The following SETBP1 variants were observed in gnomAD, a reference collection of about 807,000 sequenced individuals.
The protein encoded by SETBP1 is SET-binding protein.
Under a neutral mutation model 101.0 loss-of-function variants are expected in SETBP1, and 9 were observed. The ratio of observed to expected loss-of-function variants is 0.09; its 90% CI spans 0.05 to 0.16. The LOEUF (loss-of-function observed/expected upper bound fraction) is 0.16, where lower values mean the gene tolerates loss of function less well. Among genes scored for constraint, SETBP1 ranks in the 10% least tolerant of loss-of-function variants. The pLI, the probability that SETBP1 is intolerant of heterozygous loss-of-function variation, is 1.00. For missense variants in SETBP1, 1,858 were observed against 2,033.8 expected (o/e 0.91, Z 1.66); for synonymous variants, 818 against 788.5 (o/e 1.04, Z -0.63).
At chr18:44,792,585 G>A (rs957396832) in intron 2 of SETBP1, among the ~76,000 whole-genome samples, 2 of 152,182 alleles carry the variant, frequency 1.3e-5, no homozygotes, top group South Asian at 2.1e-4. Flanking sequence ...TACCTGGACC[G>A]GATGCCCACG....
intron 3 of SETBP1, among the ~76,000 whole-genome samples, chr18:44,922,386 G>T (rs1031009177): frequency 3.3e-5 from 5 of 152,168 alleles, no homozygotes; most frequent in African/African-American, 1.2e-4. Context: ...CAAAACGGAT[G>T]GTCTTTCTAA....
At chr18:44,847,005 A>C (rs1257358060) in intron 2 of SETBP1, among the ~76,000 whole-genome samples, 2 of 152,180 alleles carry the variant, frequency 1.3e-5, no homozygotes, top group African/African-American at 4.8e-5. Context: ...CCGGTCACGC[A>C]AAGAAACGTA....
intron 3 of SETBP1, among the ~76,000 whole-genome samples, chr18:44,889,792 G>A (rs927616911): frequency 4.6e-5 from 7 of 152,228 alleles, no homozygotes; most frequent in Non-Finnish European, 8.8e-5. Flanking sequence ...CGTCTATGTG[G>A]GGAAGCCCCA....
chr18:44,971,394 A>T (rs536394670), intron 4 of SETBP1, among the ~76,000 whole-genome samples: 8 of 152,292 alleles, frequency 5.3e-5, no homozygotes, highest in Non-Finnish European at 1.0e-4. Flanking sequence ...TATACCCAGA[A>T]ATGGGATGGC....
At chr18:44,848,933 T>G (rs1356161938) in intron 2 of SETBP1, among the ~76,000 whole-genome samples, 1 of 152,256 alleles carries the variant, frequency 6.6e-6, no homozygotes, top group African/African-American at 2.4e-5. Flanking sequence ...ATGGCCCTGT[T>G]GTCAGTTTCC....
chr18:44,761,613 T>C (rs74575813), intron 2 of SETBP1, among the ~76,000 whole-genome samples: 1 of 152,324 alleles, frequency 6.6e-6, no homozygotes, highest in East Asian at 1.9e-4. Context: ...GAGAATGTCC[T>C]CTTGAGTAAG....
intron 4 of SETBP1, among the ~76,000 whole-genome samples, chr18:44,980,968 A>G (rs1024549727): frequency 5.3e-5 from 8 of 152,220 alleles, no homozygotes; most frequent in African/African-American, 1.9e-4. Flanking sequence ...AAAGAATTGC[A>G]TTAAATCAGT....
chr18:44,778,309 T>G (rs1056418153), intron 2 of SETBP1, among the ~76,000 whole-genome samples: 1 of 152,204 alleles, frequency 6.6e-6, no homozygotes, highest in African/African-American at 2.4e-5. Context: ...CTCAAAAACC[T>G]GGAGCTAGAG....
chr18:45,013,527 C>T (rs139477506), intron 4 of SETBP1, among the ~76,000 whole-genome samples: 1 of 152,124 alleles, frequency 6.6e-6, no homozygotes, highest in East Asian at 1.9e-4. Flanking sequence ...GCAACTTCTG[C>T]CTCCCGGGTT....
chr18:44,921,198 A>C (rs890809923), intron 3 of SETBP1, among the ~76,000 whole-genome samples: 2 of 152,260 alleles, frequency 1.3e-5, no homozygotes, highest in Admixed American at 1.3e-4. Context: ...CTGGCAGTTC[A>C]GTTGTGAAGA....
At chr18:44,804,745 G>A (rs1205219852) in intron 2 of SETBP1, among the ~76,000 whole-genome samples, 1 of 152,122 alleles carries the variant, frequency 6.6e-6, no homozygotes, top group Non-Finnish European at 1.5e-5. Flanking sequence ...AAGGGATTTG[G>A]GGACCATTAA....
At chr18:44,791,831 GCA>G (rs949045133) in intron 2 of SETBP1, among the ~76,000 whole-genome samples, 1 of 152,126 alleles carries the variant, frequency 6.6e-6, no homozygotes, top group Non-Finnish European at 1.5e-5. Context: ...GTCTTGAAAA[GCA>G]CAGAGTGATG....
chr18:44,939,742 C>T (rs947642866), intron 3 of SETBP1, among the ~76,000 whole-genome samples: 13 of 152,214 alleles, frequency 8.5e-5, no homozygotes, highest in Non-Finnish European at 5.9e-5. Context: ...TTCATTTTAG[C>T]CATCCCAGTG....
chr18:44,939,730 C>T, intron 3 of SETBP1, among the ~76,000 whole-genome samples: 1 of 152,206 alleles, frequency 6.6e-6, no homozygotes, highest in Non-Finnish European at 1.5e-5. Context: ...TTTTCAGTCT[C>T]TTTCATTTTA....
At chr18:44,687,600 A>T (rs1166052467) in intron 1 of SETBP1, among the ~76,000 whole-genome samples, 3 of 152,170 alleles carry the variant, frequency 2.0e-5, no homozygotes, top group Non-Finnish European at 4.4e-5. Flanking sequence ...GGATTAAATT[A>T]CCCACATCTG....
intron 5 of SETBP1, among the ~76,000 whole-genome samples, chr18:45,058,963 T>G (rs2073851091): frequency 6.6e-6 from 1 of 152,200 alleles, no homozygotes; most frequent in Non-Finnish European, 1.5e-5. Context: ...TCTCCTCTTA[T>G]CCTTCAAAAA....
chr18:44,907,555 G>T (rs72909602), intron 3 of SETBP1, among the ~76,000 whole-genome samples: 2,250 of 152,244 alleles, frequency 0.015, 25 homozygotes, highest in Non-Finnish European at 0.02. Flanking sequence ...ACCCTAGAAG[G>T]TATGAAGTGG....
intron 2 of SETBP1, among the ~76,000 whole-genome samples, chr18:44,837,701 G>A (rs995730215): frequency 1.3e-5 from 2 of 152,222 alleles, no homozygotes; most frequent in Non-Finnish European, 2.9e-5. Context: ...CCTAGGATGA[G>A]CATGACAGCT....
In SETBP1 at chr18:44,950,133, G is replaced by T. The variant is rs1369732807; in HGVS notation, c.793G>T (p.Gly265Cys). 14 of 1,613,780 alleles carry T rather than the reference G, an allele frequency of 8.7e-6. No individual in the cohort carries two copies. In the East Asian group the frequency reaches 2.7e-4, roughly 31 times the overall value. The change falls in exon 4 of 6, where the codon GGT becomes TGT. Residue 265 changes from glycine to cysteine, a missense_variant. Gly to Cys is a radical substitution (Grantham distance 159). Transcript: ENST00000649279. ...CGTGGCTTCCTTTGCAAAGGCCCAGGGTAAGAAAGGCAGTGCAGGGAACAC... is the reference window on the plus strand; with the variant it reads ...CGTGGCTTCCTTTGCAAAGGCCCAGTGTAAGAAAGGCAGTGCAGGGAACAC... The part of the protein sequence containing the change: ...EPVASFAKAQ[G>C]KKGSAGNTWS...
Sources: gnomAD v4.1 joint callset for allele counts (sites outside exome capture counted in the v4.1 genomes callset) on GRCh38, gnomAD v4.1.1 for gene constraint, MANE v1.5 for transcripts, NCBI Gene and HGNC (gene_info 2026-07-23, HGNC 2026-07-21) for gene names.